FBXL2: variants seen among roughly 807,000 people sequenced by gnomAD.
FBXL2 encodes the protein F-box and leucine rich repeat protein 2.
Under a neutral mutation model 69.2 loss-of-function variants are expected in FBXL2, and 38 were observed. The ratio of observed to expected loss-of-function variants is 0.55; its 90% confidence interval spans 0.42 to 0.72. The LOEUF (loss-of-function observed/expected upper bound fraction) is 0.72, where lower values mean the gene tolerates loss of function less well. FBXL2 is among the 30% of genes least tolerant of loss of function. The pLI is 0.00. For synonymous variants in FBXL2, 192 were observed against 201.3 expected (o/e 0.95, Z 0.39); for missense variants, 354 against 520.3 (o/e 0.68, Z 3.11).
chr3:33,383,533 G>A (rs550140374), intron 13 of FBXL2: 1 of 196,988 alleles, frequency 5.1e-6, no homozygotes, highest in East Asian at 1.2e-4. Flanking sequence ...TCAGCTATTT[G>A]TGCAATTTTC....
intron 2 of FBXL2, among the ~76,000 whole-genome samples, chr3:33,340,618 G>A (rs1471005468): frequency 2.0e-5 from 3 of 148,806 alleles, no homozygotes; most frequent in Non-Finnish European, 3.0e-5. Context: ...TAGGCTGGGC[G>A]CTGTGGCTCA....
At chr3:33,303,236 G>T (rs965028645) in intron 2 of FBXL2, 7 of 452,058 alleles carry the variant, frequency 1.5e-5, no homozygotes, top group South Asian at 1.1e-4. Flanking sequence ...CTTTGCCGAA[G>T]AGTTTTTTTA....
At chr3:33,333,934 A>G (rs1157645892) in intron 2 of FBXL2, among the ~76,000 whole-genome samples, 1 of 151,820 alleles carries the variant, frequency 6.6e-6, no homozygotes, top group African/African-American at 2.4e-5. Flanking sequence ...TTTTTTTTTT[A>G]ATATAGTGGC....
intron 2 of FBXL2, among the ~76,000 whole-genome samples, chr3:33,304,630 C>T (rs116268100): frequency 0.012 from 1,845 of 152,054 alleles, 40 homozygotes; most frequent in African/African-American, 0.041. Context: ...GTAGATGTCT[C>T]CTGGTGCACA....
At chr3:33,339,321 C>T (rs1223640786) in intron 2 of FBXL2, among the ~76,000 whole-genome samples, 1 of 152,158 alleles carries the variant, frequency 6.6e-6, no homozygotes, top group Non-Finnish European at 1.5e-5. Context: ...TTATACACTA[C>T]TGGTGGGACT....
chr3:33,277,634 G>C, intron 1 of FBXL2, 119 bp downstream of exon 1: 1 of 1,072,360 alleles, frequency 9.3e-7, no homozygotes, highest in Non-Finnish European at 1.2e-6. Flanking sequence ...AGGCCGGGCC[G>C]CGGCCTGCGA....
chr3:33,309,949 C>T (rs992716305), intron 2 of FBXL2, among the ~76,000 whole-genome samples: 4 of 151,842 alleles, frequency 2.6e-5, no homozygotes, highest in Non-Finnish European at 5.9e-5. Context: ...TCGCTTGAGG[C>T]CAGGAGTTTG....
intron 2 of FBXL2, among the ~76,000 whole-genome samples, chr3:33,313,236 A>G (rs1171070017): frequency 6.6e-6 from 1 of 152,098 alleles, no homozygotes; most frequent in African/African-American, 2.4e-5. Context: ...GCAAAGAAAT[A>G]GATAATCTAA....
intron 13 of FBXL2, among the ~76,000 whole-genome samples, chr3:33,379,889 A>G (rs532782952): frequency 6.6e-6 from 1 of 152,330 alleles, no homozygotes; most frequent in East Asian, 1.9e-4. Flanking sequence ...TATTAACTAA[A>G]GAAGAAAAAT....
At chr3:33,352,372 GGA>G (rs1237422290) in intron 2 of FBXL2, among the ~76,000 whole-genome samples, 1 of 152,102 alleles carries the variant, frequency 6.6e-6, no homozygotes, top group Non-Finnish European at 1.5e-5. Flanking sequence ...AAGAAGTGTA[GGA>G]GAAAATCTAG....
At chr3:33,323,002 A>C (rs750950279) in intron 2 of FBXL2, among the ~76,000 whole-genome samples, 6 of 152,120 alleles carry the variant, frequency 3.9e-5, no homozygotes, top group Non-Finnish European at 7.3e-5. Context: ...TTTCTCATTC[A>C]GAATGATTCC....
At chr3:33,283,964 A>G (rs566518135) in intron 1 of FBXL2, among the ~76,000 whole-genome samples, 50 of 152,190 alleles carry the variant, frequency 3.3e-4, no homozygotes, top group African/African-American at 1.1e-3. Context: ...TCTTGCTAGC[A>G]GTCTATCAAT....
chr3:33,416,879 A>T, the FBXL2 span: 1 of 1,466,502 alleles, frequency 6.8e-7, no homozygotes, highest in Non-Finnish European at 9.5e-7. Flanking sequence ...TATAAAGAAC[A>T]TCACTTTGCT....
intron 12 of FBXL2, among the ~76,000 whole-genome samples, chr3:33,401,376 T>C (rs2154056040): frequency 6.6e-6 from 1 of 152,110 alleles, no homozygotes; most frequent in East Asian, 1.9e-4. Flanking sequence ...TCAAATTAGA[T>C]AAATAGTTGA....
chr3:33,411,469 A>G, the FBXL2 span: 1 of 913,768 alleles, frequency 1.1e-6, no homozygotes, highest in Non-Finnish European at 1.7e-6. Context: ...AAGACACTAC[A>G]ACATAGTTTA....
At chr3:33,419,860 T>C in the FBXL2 span, among the ~76,000 whole-genome samples, 1 of 152,262 alleles carries the variant, frequency 6.6e-6, no homozygotes, top group African/African-American at 2.4e-5. Context: ...CCAGTATTAA[T>C]GAAATATAAA....
chr3:33,400,362 A>G, intron 12 of FBXL2: 4 of 1,152,438 alleles, frequency 3.5e-6, no homozygotes, highest in Non-Finnish European at 4.8e-6. Context: ...AAAGCCTCGG[A>G]GTCTGAAGTA....
intron 2 of FBXL2, among the ~76,000 whole-genome samples, chr3:33,311,870 G>A (rs115900686): frequency 0.013 from 1,958 of 151,964 alleles, 40 homozygotes; most frequent in African/African-American, 0.045. Context: ...ATGATCCCTC[G>A]CCTTGGCCTC....
At chr3:33,297,939 G>A (rs555563233) in intron 2 of FBXL2, 4 of 594,520 alleles carry the variant, frequency 6.7e-6, no homozygotes, top group Non-Finnish European at 1.2e-5. Flanking sequence ...ACATAGCATT[G>A]GTCTGGATTC....
Sources: gnomAD v4.1 joint callset for allele counts (sites outside exome capture counted in the v4.1 genomes callset) on GRCh38, gnomAD v4.1.1 for gene constraint, MANE v1.5 for transcripts, NCBI Gene and HGNC (gene_info 2026-07-23, HGNC 2026-07-21) for gene names.